The following PDE12 variants were observed in gnomAD, a reference collection of about 807,000 sequenced individuals.
PDE12 encodes phosphodiesterase 12, also known as 2',5'-phosphodiesterase 12.
PDE12 carries 26 observed loss-of-function variants against 45.4 expected under a neutral mutation model. The observed-to-expected ratio is 0.57, with a 90% CI of 0.42 to 0.79. The LOEUF is 0.79. Among genes scored for constraint, PDE12 ranks in the 30% least tolerant of loss-of-function variants. The pLI is 0.00. For synonymous variants in PDE12, 283 were observed against 323.9 expected, an observed-to-expected ratio of 0.87 and a Z score of 1.36; for missense variants, 668 against 790.0, an observed-to-expected ratio of 0.85 and a Z score of 1.85.
chr3:57,584,962 C>T, the PDE12 span, among the ~76,000 whole-genome samples: 6 of 152,074 alleles, frequency 3.9e-5, no homozygotes, highest in East Asian at 1.9e-4. Context: ...CTCCCGGGTT[C>T]GAGCAATTCT....
the PDE12 span, among the ~76,000 whole-genome samples, chr3:57,611,616 CAACA>C: frequency 6.6e-6 from 1 of 152,160 alleles, no homozygotes; most frequent in African/African-American, 2.4e-5. Flanking sequence ...TTTATGCAGA[CAACA>C]GACACATGAA....
the PDE12 span, among the ~76,000 whole-genome samples, chr3:57,611,148 A>C: frequency 6.6e-6 from 1 of 152,208 alleles, no homozygotes; most frequent in Admixed American, 6.5e-5. Context: ...TTCCCTATTT[A>C]ATAAATGGTG....
chr3:57,558,943 C>A (rs1390005962), intron 1 of PDE12, among the ~76,000 whole-genome samples: 1 of 151,458 alleles, frequency 6.6e-6, no homozygotes, highest in African/African-American at 2.4e-5. Context: ...AAAAACAGGC[C>A]GGGCCTGGTG....
chr3:57,624,045 T>G, the PDE12 span, among the ~76,000 whole-genome samples: 6 of 152,116 alleles, frequency 3.9e-5, no homozygotes, highest in African/African-American at 1.4e-4. Context: ...CTGAGTGAAG[T>G]GGCATGATCA....
the PDE12 span, among the ~76,000 whole-genome samples, chr3:57,624,592 C>T: frequency 1.6e-4 from 24 of 151,662 alleles, no homozygotes; most frequent in African/African-American, 5.6e-4. Context: ...GGTGAAACCC[C>T]GTCTCTACTA....
At chr3:57,569,275 A>C (rs1412571663), downstream of PDE12, among the ~76,000 whole-genome samples, 4 of 152,214 alleles carry the variant, frequency 2.6e-5, no homozygotes, top group African/African-American at 9.6e-5. Context: ...GAAAAAGAAA[A>C]AAAGGAACTT....
chr3:57,558,881 C>T (rs1276665892), intron 1 of PDE12, among the ~76,000 whole-genome samples: 1 of 151,926 alleles, frequency 6.6e-6, no homozygotes, highest in Non-Finnish European at 1.5e-5. Flanking sequence ...AGTCCTAGTT[C>T]ATCAAGGGAA....
chr3:57,622,106 G>T, the PDE12 span, among the ~76,000 whole-genome samples: 1 of 152,204 alleles, frequency 6.6e-6, no homozygotes, highest in African/African-American at 2.4e-5. Flanking sequence ...AACCCGGGAG[G>T]TGGAGGTTGC....
chr3:57,633,404 AC>A, the PDE12 span: 1 of 1,405,738 alleles, frequency 7.1e-7, no homozygotes, highest in Non-Finnish European at 1.0e-6. Flanking sequence ...GGAATATAAA[AC>A]AATGGATAAC....
chr3:57,637,582 G>A, the PDE12 span, among the ~76,000 whole-genome samples: 3 of 151,674 alleles, frequency 2.0e-5, no homozygotes, highest in African/African-American at 7.3e-5. Context: ...TTCAAAGCCA[G>A]AATCCTGAGC....
the PDE12 span, among the ~76,000 whole-genome samples, chr3:57,585,555 T>C: frequency 6.6e-6 from 1 of 152,188 alleles, no homozygotes; most frequent in Non-Finnish European, 1.5e-5. Flanking sequence ...ACATGGCACA[T>C]GTATACATAT....
At chr3:57,635,204 T>C in the PDE12 span, among the ~76,000 whole-genome samples, 1 of 151,530 alleles carries the variant, frequency 6.6e-6, no homozygotes, top group Non-Finnish European at 1.5e-5. Context: ...TTGTGGGGTT[T>C]TGTTTTGTTT....
the PDE12 span, chr3:57,596,992 A>T: frequency 2.1e-6 from 1 of 467,850 alleles, no homozygotes; most frequent in Non-Finnish European, 3.0e-6. Flanking sequence ...CGGGCGGAGG[A>T]AAAAAACAGG....
chr3:57,588,323 G>C, the PDE12 span, among the ~76,000 whole-genome samples: 1 of 152,206 alleles, frequency 6.6e-6, no homozygotes, highest in Non-Finnish European at 1.5e-5. Context: ...CTAGCACTTT[G>C]GGAGGCTGAG....
chr3:57,584,296 C>G, the PDE12 span: 7 of 1,206,036 alleles, frequency 5.8e-6, no homozygotes, highest in South Asian at 8.0e-5. Context: ...AATCAACATG[C>G]TTAACAAAAA....
At chr3:57,567,288 G>T (rs1194903767), downstream of PDE12, among the ~76,000 whole-genome samples, 1 of 151,836 alleles carries the variant, frequency 6.6e-6, no homozygotes, top group Non-Finnish European at 1.5e-5. Context: ...CTCTAGCCTG[G>T]GTGACAGAGC....
the PDE12 span, chr3:57,646,384 C>T: frequency 6.2e-7 from 1 of 1,613,982 alleles, no homozygotes; most frequent in Non-Finnish European, 8.5e-7. Flanking sequence ...GGGGCTCCCC[C>T]AACAGCACCA....
the PDE12 span, chr3:57,641,800 T>A: frequency 1.1e-5 from 15 of 1,390,626 alleles, no homozygotes; most frequent in African/African-American, 1.4e-5. Context: ...AGATGAATGC[T>A]AAATCAGTGA....
the PDE12 span, chr3:57,600,632 T>G: frequency 6.6e-6 from 1 of 152,206 alleles, no homozygotes; most frequent in Non-Finnish European, 1.5e-5. Flanking sequence ...GGTATCCAGC[T>G]GCTGAGCTCA....
Sources: allele counts gnomAD v4.1 joint callset (sites outside exome capture counted in the v4.1 genomes callset), GRCh38; gene constraint gnomAD v4.1.1; transcripts MANE v1.5; gene names NCBI Gene and HGNC (gene_info 2026-07-23, HGNC 2026-07-21).